Variants in GRID2IP observed in about 807,000 individuals in gnomAD.
GRID2IP encodes the protein delphilin.
Under a neutral mutation model 114.3 loss-of-function variants are expected in GRID2IP, and 78 were observed. The observed-to-expected ratio is 0.68, with a 90% CI of 0.57 to 0.82. GRID2IP has a LOEUF of 0.82. Ranked by LOEUF, GRID2IP falls within the 40% of genes least tolerant of loss-of-function variation. GRID2IP has a pLI of 0.00. For missense variants in GRID2IP, 1,727 were observed against 1,678.5 expected, an observed-to-expected ratio of 1.03 and a Z score of -0.51; for synonymous variants, 809 against 724.0, an observed-to-expected ratio of 1.12 and a Z score of -1.89.
intron 2 of GRID2IP, among the ~76,000 whole-genome samples, chr7:6,533,432 C>T (rs939716427): frequency 1.3e-5 from 2 of 152,158 alleles, no homozygotes; most frequent in Non-Finnish European, 2.9e-5. Context: ...GATCATGAAT[C>T]ACTGCAGCCT....
intron 2 of GRID2IP, among the ~76,000 whole-genome samples, chr7:6,529,732 CCT>C (rs1384754336): frequency 2.0e-5 from 3 of 152,144 alleles, no homozygotes; most frequent in Non-Finnish European, 2.9e-5. Flanking sequence ...CACTATCCCC[CCT>C]GAGTGGCAGT....
intron 1 of GRID2IP, among the ~76,000 whole-genome samples, chr7:6,541,314 T>C (rs1311800735): frequency 1.3e-5 from 2 of 152,184 alleles, no homozygotes; most frequent in Non-Finnish European, 2.9e-5. Flanking sequence ...TCAAAGGAAT[T>C]AATATAAAAG....
rs969314282 is a variant in GRID2IP, at chr7:6,521,239, G to C, written c.1084+190C>G. ...TCCCACCTTGGCCTCCCAAAGTGCT[G>C]GGATTCCAGGCATGAGCCACCATGC... On this transcript the variant is annotated intron_variant, in intron 6 of 21. Transcript: ENST00000457091. This position sits in a 1 kb window ranked among gnomAD's most constrained non-coding sequence, Gnocchi z 4.1. Among the ~76,000 whole-genome samples the C allele has an allele frequency of 1.3e-5, 2 of 152,126 alleles. No homozygotes were observed. The highest frequency in any genetic ancestry group is 1.5e-5 in the Non-Finnish European group (1 of 68,028).
rs146572895 is a variant in GRID2IP at position 6,543,735 on chromosome 7, G to A, written c.430-3863C>T. Among the ~76,000 whole-genome samples, 426 of 151,490 alleles carry A rather than the reference G, an allele frequency of 2.8e-3. 2 individuals are homozygous for A. Among genetic ancestry groups the A allele is most frequent in the African/African-American group, 9.8e-3 (406 of 41,262 alleles). On this transcript the variant is annotated intron_variant, in intron 1 of 21. Coordinates refer to ENST00000457091, the MANE Select transcript of GRID2IP (RefSeq NM_001145118.2). ...AGCGATCCTCCCACCTCTGCCTTCC[G>A]AGTAGCCAGGATCACAGGTGCACGC...
At chr7:6,500,185 C>A (rs534901778) in intron 20 of GRID2IP, among the ~76,000 whole-genome samples, 2 of 151,504 alleles carry the variant, frequency 1.3e-5, no homozygotes, top group Non-Finnish European at 2.9e-5. Flanking sequence ...CTGGGTGGGC[C>A]GGGCACAGTG....
intron 1 of GRID2IP, among the ~76,000 whole-genome samples, chr7:6,540,891 C>T (rs929440724): frequency 3.3e-5 from 5 of 151,766 alleles, no homozygotes; most frequent in African/African-American, 1.2e-4. Flanking sequence ...GGCTGGAGTG[C>T]AGTGGTGTGA....
At chr7:6,549,970 C>A (rs1032138830) in intron 1 of GRID2IP, among the ~76,000 whole-genome samples, 3 of 151,814 alleles carry the variant, frequency 2.0e-5, no homozygotes, top group African/African-American at 7.3e-5. Flanking sequence ...GGCCAAGAAG[C>A]GATATCTGTG....
rs58020378 is a variant in GRID2IP at position 6,508,252 on chromosome 7, C to T, written c.2277G>A (p.Pro759=). ...IPPPPLSPPP[P]PPLPFHDAKP... ...TAGCGTCATGGAAAGGCAGGGGTGG[C>T]GGTGGTGGGGGGCTGAGCGGGGGTG... Residue 759 remains proline, a synonymous_variant, in exon 13 of 22, where the codon CCG becomes CCA. Transcript: ENST00000457091. This position sits in a 1 kb window ranked among gnomAD's most constrained non-coding sequence, Gnocchi z 5.6. 652 of 413,150 alleles carry T rather than the reference C, an allele frequency of 1.6e-3. 4 individuals are homozygous for T. In the African/African-American group the frequency reaches 0.046, roughly 29 times the overall value. 25.6% of individuals were successfully genotyped at this position (413,150 alleles called of 1,614,324 possible).
intron 1 of GRID2IP, among the ~76,000 whole-genome samples, chr7:6,544,711 G>A (rs1779860846): frequency 6.6e-6 from 1 of 152,174 alleles, no homozygotes; most frequent in Non-Finnish European, 1.5e-5. Context: ...AGAGCTTTGG[G>A]AGGACAAGGC....
Position 6,508,524 on chromosome 7 carries a change from C to A in GRID2IP, c.2128-123G>T. The A allele has an allele frequency of 6.8e-7, 1 of 1,470,330 alleles. No homozygotes were observed. The highest frequency in any genetic ancestry group is 1.3e-5 in the South Asian group (1 of 74,262). 91.1% of individuals were successfully genotyped at this position (1,470,330 alleles called of 1,614,324 possible). ...ACAGGGCCATCTCACGGGTTAGCCT[C>A]AGGCTGTGAGGGACACCTGGGCTAA... On this transcript the variant is annotated intron_variant, in intron 12 of 21. Coordinates refer to ENST00000457091, the MANE Select transcript of GRID2IP (RefSeq NM_001145118.2). The surrounding 1 kb of genome is among the most constrained non-coding windows in gnomAD (Gnocchi z 5.6).
chr7:6,539,061 T>C (rs1156855948), intron 2 of GRID2IP, among the ~76,000 whole-genome samples: 1 of 151,966 alleles, frequency 6.6e-6, no homozygotes, highest in East Asian at 1.9e-4. Context: ...CAATAAAGAA[T>C]TGGAAGTGTC....
rs1056925374 is a variant in GRID2IP, at chr7:6,509,221, G to A, written c.1864C>T (p.Pro622Ser). The A allele has an allele frequency of 1.3e-6, 2 of 1,502,670 alleles. No individual in the cohort carries two copies. The highest frequency in any genetic ancestry group is 8.9e-7 in the Non-Finnish European group (1 of 1,123,790). The allele number at this position is 1,502,670 out of a possible 1,614,324, so 93.1% of individuals were successfully genotyped here. A position where few individuals can be genotyped will look rare whatever the true frequency, so the allele number is the denominator to read the frequency against. ...TAGGGGTGGGACTCAGAGCTGCTGG[G>A]GGAGGCCAGACCCCCCGAACACAGC... Reference protein sequence around the residue: ...HPLCSGGLASPSSSESHPYAS... With the variant: ...HPLCSGGLASSSSSESHPYAS... The change falls in exon 12 of 22, where the codon CCC (proline) becomes TCC (serine). Residue 622 changes from proline (P) to serine (S), a missense_variant. Pro to Ser is a moderately conservative substitution (Grantham distance 74, BLOSUM62 -1). Transcript: ENST00000457091. This position sits in a 1 kb window ranked among gnomAD's most constrained non-coding sequence, Gnocchi z 4.9.
chr7:6,541,858 G>A (rs1258803184), intron 1 of GRID2IP, among the ~76,000 whole-genome samples: 1 of 152,208 alleles, frequency 6.6e-6, no homozygotes, highest in Non-Finnish European at 1.5e-5. Flanking sequence ...CATGCACGAT[G>A]ATGTATGAGT....
intron 1 of GRID2IP, among the ~76,000 whole-genome samples, chr7:6,547,872 T>G (rs1372141299): frequency 1.3e-5 from 2 of 152,134 alleles, no homozygotes; most frequent in African/African-American, 4.8e-5. Flanking sequence ...GCCTGGGCAG[T>G]GGGCTGGGAG....
intron 1 of GRID2IP, among the ~76,000 whole-genome samples, chr7:6,548,975 T>C (rs1379309343): frequency 1.3e-5 from 2 of 152,144 alleles, no homozygotes; most frequent in African/African-American, 4.8e-5. Flanking sequence ...CTCCGGACTA[T>C]TTCCTAGTCG....
chr7:6,501,065 C>A (rs945969268), intron 20 of GRID2IP, among the ~76,000 whole-genome samples: 2 of 152,106 alleles, frequency 1.3e-5, no homozygotes, highest in African/African-American at 4.8e-5. Context: ...TATAAATGAC[C>A]CAGGGCTAAG....
In GRID2IP at chr7:6,511,032, C is replaced by G; in HGVS notation, c.1431G>C (p.Pro477=). The part of the protein sequence containing the change: ...FLGYTAMTAE[P]EPELDLESEP... ...CGGACTCCAGGTCCAGCTCAGGCTC[C>G]GGCTCTGCTGTGGGACATGCAGGGA... The change falls in exon 9 of 22, where the codon CCG becomes CCC. Residue 477 remains proline (P), a synonymous_variant. Coordinates refer to ENST00000457091, the MANE Select transcript of GRID2IP (RefSeq NM_001145118.2). The G allele has an allele frequency of 6.9e-7, 1 of 1,456,552 alleles. No individual in the cohort carries two copies. The highest frequency in any genetic ancestry group is 9.1e-7 in the Non-Finnish European group (1 of 1,102,196). The allele number at this position is 1,456,552 out of a possible 1,614,324, so 90.2% of individuals were successfully genotyped here.
In GRID2IP at chr7:6,503,007, C is replaced by T; in HGVS notation, c.3063+1G>A. ...GTGCCAGGAAGGGTACGCCCACTGA[C>T]CTCCAGGATCTTGGCGAGCTTCCGA... On this transcript the variant is annotated splice_donor_variant, in intron 17 of 21. Coordinates refer to ENST00000457091, the MANE Select transcript of GRID2IP (RefSeq NM_001145118.2). LOFTEE classifies it high-confidence loss of function. 6.4e-7 allele frequency: 1 copy of T among 1,551,506 alleles called. No individual in the cohort carries two copies. Among genetic ancestry groups the T allele is most frequent in the African/African-American group, 1.4e-5 (1 of 73,164 alleles).
At chr7:6,502,225 G>GC (rs201122949) in intron 18 of GRID2IP, 107 bp from the exon 19 acceptor site, 14,370 of 1,111,170 alleles carry the variant, frequency 0.013, 157 homozygotes, top group Non-Finnish European at 0.017. Context: ...AATTCTTGGC[G>GC]CCCCCACTTT....
Sources: allele counts gnomAD v4.1 joint callset (sites outside exome capture counted in the v4.1 genomes callset), GRCh38; gene constraint gnomAD v4.1.1; non-coding constraint Gnocchi (gnomAD v3.1); transcripts MANE v1.5; gene names NCBI Gene and HGNC (gene_info 2026-07-23, HGNC 2026-07-21).